The following NFKB1 variants were observed in gnomAD, a reference collection of about 807,000 sequenced individuals.
NFKB1 encodes the protein nuclear factor NF-kappa-B p105 subunit.
NFKB1 carries 9 observed loss-of-function variants against 105.1 expected under a neutral mutation model. That is an observed-to-expected ratio of 0.09 (90% CI 0.05 to 0.15). The LOEUF is 0.15. Among genes scored for constraint, NFKB1 ranks in the 10% least tolerant of loss-of-function variants. NFKB1 has a pLI of 1.00. For synonymous variants in NFKB1, 440 were observed against 442.2 expected (o/e 1.00, Z 0.06); for missense variants, 830 against 1,203.7 (o/e 0.69, Z 4.59).
intron 16 of NFKB1, among the ~76,000 whole-genome samples, chr4:102,602,164 AAATT>A (rs1052136132): frequency 5.9e-5 from 9 of 152,204 alleles, no homozygotes; most frequent in Non-Finnish European, 1.3e-4. Flanking sequence ...ATTTTAAAGA[AAATT>A]AATTAAAACT....
At chr4:102,570,149 A>T (rs1406890195) in intron 6 of NFKB1, among the ~76,000 whole-genome samples, 1 of 152,172 alleles carries the variant, frequency 6.6e-6, no homozygotes, top group Non-Finnish European at 1.5e-5. Context: ...ATTTTTTTCC[A>T]ATTAATACAT....
chr4:102,509,653 C>T (rs544924657), intron 1 of NFKB1, among the ~76,000 whole-genome samples: 1 of 152,274 alleles, frequency 6.6e-6, no homozygotes, highest in South Asian at 2.1e-4. Context: ...ATCCCCAGCA[C>T]ATTAGGGAAT....
At chr4:102,605,861 G>A (rs1727673749) in intron 16 of NFKB1, among the ~76,000 whole-genome samples, 1 of 152,146 alleles carries the variant, frequency 6.6e-6, no homozygotes, top group East Asian at 1.9e-4. Context: ...TTTTAATTTA[G>A]TAAATTTAGT....
chr4:102,599,425 G>A (rs1225379774), intron 15 of NFKB1, among the ~76,000 whole-genome samples: 1 of 152,170 alleles, frequency 6.6e-6, no homozygotes, highest in Non-Finnish European at 1.5e-5. Flanking sequence ...TAAGGAAGAG[G>A]CTTGAGTAAA....
At chr4:102,529,041 T>G (rs1472611909) in intron 2 of NFKB1, among the ~76,000 whole-genome samples, 2 of 152,160 alleles carry the variant, frequency 1.3e-5, no homozygotes, top group Non-Finnish European at 2.9e-5. Flanking sequence ...CAGTGTGATT[T>G]CCTGAACCCC....
rs114075930 is a variant in NFKB1, at chr4:102,597,109, T to G, written c.1496-411T>G. ...TGTTTATGGCAGAGATGTGTGTTTT[T>G]TCACACATTGCCTAACAAGCTAATT... On this transcript the variant is annotated intron_variant, in intron 14 of 23. Coordinates refer to ENST00000226574, the MANE Select transcript of NFKB1 (RefSeq NM_003998.4). Among the ~76,000 whole-genome samples, 1,034 of 152,332 alleles carry G rather than the reference T, an allele frequency of 6.8e-3. 8 individuals are homozygous for G. Among genetic ancestry groups the G allele is most frequent in the African/African-American group, 0.021 (857 of 41,570 alleles).
intron 9 of NFKB1, 44 bp from the exon 10 acceptor site, chr4:102,582,821 AT>A (rs770333117): frequency 1.6e-6 from 2 of 1,272,580 alleles, no homozygotes; most frequent in Non-Finnish European, 2.3e-6. Flanking sequence ...TATAAATACT[AT>A]TTACACTATG....
Position 102,616,624 on chromosome 4 carries a change from C to G in NFKB1, c.*30C>G. On this transcript the variant is annotated 3_prime_UTR_variant, in exon 24 of 24. Transcript: ENST00000226574. Reference sequence around the variant, plus strand: ...CTGACAATTTCCCACACCGTGTAAACCAAAGCCCTAAAATTCCACTGCGTT... The same window carrying G: ...CTGACAATTTCCCACACCGTGTAAAGCAAAGCCCTAAAATTCCACTGCGTT... The G allele has an allele frequency of 6.2e-7, 1 of 1,606,912 alleles. No homozygotes were observed.
chr4:102,540,091 T>G (rs955453460), intron 5 of NFKB1, among the ~76,000 whole-genome samples: 1 of 152,160 alleles, frequency 6.6e-6, no homozygotes, highest in African/African-American at 2.4e-5. Flanking sequence ...GTTATCAGCA[T>G]TGACACTGAC....
At chr4:102,527,217 A>G (rs992241187) in intron 2 of NFKB1, among the ~76,000 whole-genome samples, 6 of 152,222 alleles carry the variant, frequency 3.9e-5, no homozygotes, top group Non-Finnish European at 4.4e-5. Context: ...ATGGTGATAT[A>G]TGCTGTAGTA....
In NFKB1 at chr4:102,518,389, G is replaced by C. The variant is rs192251080; in HGVS notation, c.-7-7123G>C. ...CCTCTTTTGTTCAGTTGGGAATTGA[G>C]TAAACTAATAGAGTAAAAAAATGAG... On this transcript the variant is annotated intron_variant, in intron 1 of 23. Transcript: ENST00000226574. Among the ~76,000 whole-genome samples, 34 of 152,240 alleles carry C rather than the reference G, an allele frequency of 2.2e-4. No individual in the cohort carries two copies. In the South Asian group the frequency reaches 7.0e-3, roughly 32 times the overall value.
At chr4:102,611,467 C>T (rs140444478) in intron 20 of NFKB1, among the ~76,000 whole-genome samples, 378 of 152,372 alleles carry the variant, frequency 2.5e-3, no homozygotes, top group African/African-American at 8.9e-3. Flanking sequence ...CAGCCAGCAA[C>T]AGAGTGACTG....
chr4:102,502,374 G>C (rs1297395657), intron 1 of NFKB1, among the ~76,000 whole-genome samples: 3 of 78,842 alleles, frequency 3.8e-5, no homozygotes, highest in African/African-American at 1.1e-4. Context: ...CCCCCCCTCC[G>C]TGCGCGCGCG....
At chr4:102,586,304 C>T (rs953517401) in intron 11 of NFKB1, among the ~76,000 whole-genome samples, 2 of 152,054 alleles carry the variant, frequency 1.3e-5, no homozygotes, top group Non-Finnish European at 2.9e-5. Flanking sequence ...GACCAGGAAG[C>T]TTGTGATGTG....
intron 4 of NFKB1, among the ~76,000 whole-genome samples, chr4:102,536,694 G>A (rs527531924): frequency 2.0e-5 from 3 of 152,222 alleles, no homozygotes; most frequent in African/African-American, 7.2e-5. Context: ...GTAAGGGAGT[G>A]AACCCCCACC....
intron 8 of NFKB1, among the ~76,000 whole-genome samples, 177 bp from the exon 9 acceptor site, chr4:102,580,358 C>T (rs1388247920): frequency 6.6e-6 from 1 of 152,158 alleles, no homozygotes; most frequent in Non-Finnish European, 1.5e-5. Flanking sequence ...ATGACCCATG[C>T]CCAAGAAGTG....
chr4:102,609,629 A>G (rs1341469748), intron 19 of NFKB1, among the ~76,000 whole-genome samples: 1 of 150,930 alleles, frequency 6.6e-6, no homozygotes, highest in African/African-American at 2.5e-5. Flanking sequence ...AAAAAAAAAA[A>G]AAAAAGCGTC....
intron 19 of NFKB1, among the ~76,000 whole-genome samples, chr4:102,608,940 C>G (rs1178541442): frequency 6.6e-6 from 1 of 151,706 alleles, no homozygotes; most frequent in Non-Finnish European, 1.5e-5. Context: ...GTCACTTGCA[C>G]TAGGAGTGTG....
intron 11 of NFKB1, among the ~76,000 whole-genome samples, chr4:102,586,245 T>C (rs1171556460): frequency 6.6e-6 from 1 of 151,912 alleles, no homozygotes; most frequent in Non-Finnish European, 1.5e-5. Context: ...GGCCTAGAGG[T>C]CGGAGGTGTA....
Sources: allele counts gnomAD v4.1 joint callset (sites outside exome capture counted in the v4.1 genomes callset), GRCh38; gene constraint gnomAD v4.1.1; transcripts MANE v1.5; gene names NCBI Gene and HGNC (gene_info 2026-07-23, HGNC 2026-07-21).